Variants in FAM3B observed in about 807,000 individuals in gnomAD.
The protein encoded by FAM3B is FAM3 metabolism regulating signaling molecule B, also known as protein FAM3B.
Under a neutral mutation model 28.4 loss-of-function variants are expected in FAM3B, and 29 were observed. The observed-to-expected ratio is 1.02, with a 90% CI of 0.76 to 1.39. The LOEUF is 1.39. Among genes scored for constraint, FAM3B ranks in the 40% most tolerant of loss-of-function variants. FAM3B has a pLI of 0.00. For missense variants in FAM3B, 266 were observed against 293.9 expected (o/e 0.91, Z 0.69); for synonymous variants, 91 against 103.0 (o/e 0.88, Z 0.71).
rs1290652814 is a variant in FAM3B at position 41,344,433 on chromosome 21, C to T, written c.288-43C>T. ...GAAGACTTCGCGGAGCGGGGAGAGT[C>T]GCACGCCTCTTGGTACTTGACTAAT... On this transcript the variant is annotated intron_variant, in intron 3 of 7. Transcript: ENST00000357985. The T allele has an allele frequency of 7.0e-6, 11 of 1,576,220 alleles. No individual in the cohort carries two copies. The East Asian group carries it at 9.0e-5, about 13-fold the overall frequency.
At chr21:41,314,222 T>C (rs2123686997), upstream of FAM3B, among the ~76,000 whole-genome samples, 1 of 152,334 alleles carries the variant, frequency 6.6e-6, no homozygotes, top group African/African-American at 2.4e-5. Flanking sequence ...GAGAAGACAG[T>C]GATCAGTCTG....
chr21:41,347,165 G>C, intron 6 of FAM3B, 65 bp downstream of exon 6: 1 of 1,374,904 alleles, frequency 7.3e-7, no homozygotes. Context: ...AGGCTGCCAG[G>C]GTCTCTCAGT....
At chr21:41,323,200 T>C in intron 2 of FAM3B, 134 bp downstream of exon 2, 3 of 1,234,064 alleles carry the variant, frequency 2.4e-6, no homozygotes, top group Non-Finnish European at 3.4e-6. Flanking sequence ...GAGAAGCATT[T>C]TGCAGTTACT....
chr21:41,352,248 T>A (rs1297260520), intron 7 of FAM3B, among the ~76,000 whole-genome samples: 4 of 152,198 alleles, frequency 2.6e-5, no homozygotes, highest in Non-Finnish European at 1.5e-5. Flanking sequence ...CGTCTTTATA[T>A]TCCTGCTGTA....
chr21:41,314,967 G>T (rs556514981), upstream of FAM3B, among the ~76,000 whole-genome samples: 1 of 152,298 alleles, frequency 6.6e-6, no homozygotes, highest in Non-Finnish European at 1.5e-5. Flanking sequence ...GCAGGATCCA[G>T]AAGAGATATT....
chr21:41,318,147 G>A lies in FAM3B; in HGVS notation c.19+1249G>A, dbSNP rs555574854. 6.6e-5 allele frequency among the ~76,000 whole-genome samples: 10 copies of A among 152,204 alleles called. No individual in the cohort carries two copies. The South Asian group carries it at 1.5e-3, about 22-fold the overall frequency. On this transcript the variant is annotated intron_variant, in intron 1 of 7. Coordinates refer to ENST00000357985, the MANE Select transcript of FAM3B (RefSeq NM_058186.4). ...CACTCATGAGCTGTGGGGTCCTTTCGTAGGAAGCTTCGAGATGACACCAGG... is the reference window on the plus strand; with the variant it reads ...CACTCATGAGCTGTGGGGTCCTTTCATAGGAAGCTTCGAGATGACACCAGG...
Position 41,345,640 on chromosome 21 carries a change from T to G in FAM3B, c.347-46T>G, listed in dbSNP as rs201143305. ...AGGCCCTGGTGCCACAAGTGCGCCC[T>G]AGTTCTGTGAACTTTCTTTTAAAAT... On this transcript the variant is annotated intron_variant, in intron 4 of 7. Coordinates refer to ENST00000357985, the MANE Select transcript of FAM3B (RefSeq NM_058186.4). The G allele has an allele frequency of 2.3e-4, 280 of 1,240,688 alleles. No individual in the cohort carries two copies. In the African/African-American group the frequency reaches 3.9e-3, roughly 17 times the overall value. The allele number at this position is 1,240,688 out of a possible 1,614,324, so 76.9% of individuals were successfully genotyped here. A position where few individuals can be genotyped will look rare whatever the true frequency, so the allele number is the denominator to read the frequency against.
chr21:41,304,362 C>G (rs1171224594), intron 1 of FAM3B: 1 of 453,608 alleles, frequency 2.2e-6, no homozygotes, highest in East Asian at 7.0e-5. Context: ...CGGGGCAGGA[C>G]GCTGCCGCCT....
intron 1 of FAM3B, among the ~76,000 whole-genome samples, chr21:41,306,454 C>A (rs943396180): frequency 2.6e-5 from 4 of 152,170 alleles, no homozygotes; most frequent in South Asian, 2.1e-4. Flanking sequence ...AAATGTATTC[C>A]TTAAAATATA....
At chr21:41,342,422 A>C (rs370250470) in intron 3 of FAM3B, among the ~76,000 whole-genome samples, 1 of 152,294 alleles carries the variant, frequency 6.6e-6, no homozygotes, top group East Asian at 1.9e-4. Context: ...TCTTCTGCCC[A>C]TTCACTTTCT....
At chr21:41,321,198 G>A (rs2123694475) in intron 1 of FAM3B, among the ~76,000 whole-genome samples, 1 of 152,298 alleles carries the variant, frequency 6.6e-6, no homozygotes, top group East Asian at 1.9e-4. Flanking sequence ...TGCTGTCTTA[G>A]CCCACTCTGC....
intron 2 of FAM3B, among the ~76,000 whole-genome samples, chr21:41,335,101 T>C (rs942366883): frequency 6.6e-6 from 1 of 152,208 alleles, no homozygotes; most frequent in Non-Finnish European, 1.5e-5. Context: ...CTCCATTGTG[T>C]CTTGGAAGTA....
At chr21:41,317,643 T>C in intron 1 of FAM3B, among the ~76,000 whole-genome samples, 1 of 152,130 alleles carries the variant, frequency 6.6e-6, no homozygotes, top group Non-Finnish European at 1.5e-5. Context: ...CGACGTAGCC[T>C]GGCTGTGTAA....
intron 2 of FAM3B, among the ~76,000 whole-genome samples, chr21:41,330,109 C>A (rs1303592689): frequency 2.1e-5 from 3 of 142,102 alleles, no homozygotes; most frequent in African/African-American, 7.9e-5. Context: ...GTAAACTAAC[C>A]TTTATCATAG....
intron 1 of FAM3B, among the ~76,000 whole-genome samples, chr21:41,306,898 C>G (rs962427678): frequency 6.6e-6 from 1 of 152,144 alleles, no homozygotes; most frequent in Admixed American, 6.5e-5. Context: ...CATCCCTCAC[C>G]CCTTCCTCCT....
At chr21:41,322,810 C>A in intron 1 of FAM3B, 113 bp from the exon 2 acceptor site, 1 of 1,529,512 alleles carries the variant, frequency 6.5e-7, no homozygotes, top group Non-Finnish European at 9.0e-7. Flanking sequence ...GTGCCTATAG[C>A]GCAGTCCCCT....
At chr21:41,314,100 C>A (rs1202250852), upstream of FAM3B, among the ~76,000 whole-genome samples, 1 of 152,170 alleles carries the variant, frequency 6.6e-6, no homozygotes, top group Non-Finnish European at 1.5e-5. Flanking sequence ...GGTAATTAGG[C>A]TCAGATGAGG....
At chr21:41,308,373 A>G (rs762384404) in intron 1 of FAM3B, among the ~76,000 whole-genome samples, 154 of 152,334 alleles carry the variant, frequency 1.0e-3, no homozygotes, top group Middle Eastern at 6.8e-3. Context: ...TGAGGGCAGA[A>G]GTAGAGGTTC....
chr21:41,325,054 A>G (rs1399348050), intron 2 of FAM3B, among the ~76,000 whole-genome samples: 1 of 152,234 alleles, frequency 6.6e-6, no homozygotes, highest in Non-Finnish European at 1.5e-5. Flanking sequence ...GTCAGCCAAG[A>G]TTGTGCCACT....
Sources: allele counts gnomAD v4.1 joint callset (sites outside exome capture counted in the v4.1 genomes callset), GRCh38; gene constraint gnomAD v4.1.1; transcripts MANE v1.5; gene names NCBI Gene and HGNC (gene_info 2026-07-23, HGNC 2026-07-21).